The following CDC14B variants were observed in gnomAD, a reference collection of about 807,000 sequenced individuals.
CDC14B encodes dual specificity protein phosphatase CDC14B.
A neutral mutation model predicts 64.2 loss-of-function variants in CDC14B; 22 were observed. The observed-to-expected ratio is 0.34, with a 90% CI of 0.24 to 0.49. The LOEUF (loss-of-function observed/expected upper bound fraction) is 0.49, where lower values mean the gene tolerates loss of function less well. Among genes scored for constraint, CDC14B ranks in the 20% least tolerant of loss-of-function variants. The pLI, the probability that CDC14B is intolerant of heterozygous loss-of-function variation, is 0.99. For synonymous variants in CDC14B, 191 were observed against 215.8 expected (o/e 0.89, Z 1.01); for missense variants, 498 against 629.9 (o/e 0.79, Z 2.24).
intron 7 of CDC14B, among the ~76,000 whole-genome samples, chr9:96,535,247 T>C (rs1412253919): frequency 6.6e-6 from 1 of 151,894 alleles, no homozygotes; most frequent in Non-Finnish European, 1.5e-5. Context: ...GCGGAAGTTG[T>C]AGTGAGCCGA....
intron 9 of CDC14B, among the ~76,000 whole-genome samples, chr9:96,525,877 T>C (rs1361734177): frequency 6.6e-6 from 1 of 152,170 alleles, no homozygotes; most frequent in Non-Finnish European, 1.5e-5. Flanking sequence ...GGTGAATGTA[T>C]TTTTGAAGTG....
Position 96,523,583 on chromosome 9 carries a change from T to C in CDC14B, c.1085+4A>G, listed in dbSNP as rs774537807. On this transcript the variant is annotated splice_donor_region_variant and intron_variant, in intron 10 of 13. Coordinates refer to ENST00000375241, the MANE Select transcript of CDC14B (RefSeq NM_033331.4). ...GGGAACTACAGACGTAGGCTACTACTTACATCACCAAAAACTGCTGCTGAG... is the reference window on the plus strand; with the variant it reads ...GGGAACTACAGACGTAGGCTACTACCTACATCACCAAAAACTGCTGCTGAG... The C allele has an allele frequency of 6.2e-7, 1 of 1,614,144 alleles. No individual in the cohort carries two copies. The highest frequency in any genetic ancestry group is 1.1e-5 in the South Asian group (1 of 91,068).
At chr9:96,569,043 G>A (rs1467106731) in intron 1 of CDC14B, among the ~76,000 whole-genome samples, 1 of 152,202 alleles carries the variant, frequency 6.6e-6, no homozygotes, top group Non-Finnish European at 1.5e-5. Context: ...GAAATCGTAG[G>A]TAGCAAGTCT....
In CDC14B at chr9:96,503,246, T is replaced by C. The variant is rs1409295701; in HGVS notation, c.*507A>G. 1.3e-5 allele frequency: 3 copies of C among 231,068 alleles called. No individual in the cohort carries two copies. Among genetic ancestry groups the C allele is most frequent in the Non-Finnish European group, 2.5e-5 (3 of 120,622 alleles). The allele number at this position is 231,068 out of a possible 1,614,324, so 14.3% of individuals were successfully genotyped here. A position where few individuals can be genotyped will look rare whatever the true frequency, so the allele number is the denominator to read the frequency against. Reference sequence around the variant, plus strand: ...TAACAGAGTTAACATTACAACAGTATTACAAATAGTCAAGTGAAGATGATT... The same window carrying C: ...TAACAGAGTTAACATTACAACAGTACTACAAATAGTCAAGTGAAGATGATT... On this transcript the variant is annotated 3_prime_UTR_variant, in exon 14 of 14. Transcript: ENST00000375241.
chr9:96,590,165 T>C (rs975491800), intron 1 of CDC14B, among the ~76,000 whole-genome samples: 3 of 152,188 alleles, frequency 2.0e-5, no homozygotes, highest in Non-Finnish European at 2.9e-5. Flanking sequence ...CCAAAGGTCC[T>C]GGAAACCACC....
intron 9 of CDC14B, among the ~76,000 whole-genome samples, chr9:96,528,908 A>T (rs1307942585): frequency 2.6e-5 from 4 of 152,186 alleles, no homozygotes; most frequent in Non-Finnish European, 5.9e-5. Context: ...ATATCTTTGG[A>T]GAAAGGTGTA....
At chr9:96,503,817 C>T in intron 13 of CDC14B, 28 bp from the exon 14 acceptor site, 1 of 1,603,022 alleles carries the variant, frequency 6.2e-7, no homozygotes, top group Non-Finnish European at 8.5e-7. Context: ...AGGATTTTTA[C>T]CAGAAAGTTT....
intron 4 of CDC14B, among the ~76,000 whole-genome samples, chr9:96,552,899 G>A (rs1343538473): frequency 6.6e-6 from 1 of 152,032 alleles, no homozygotes; most frequent in Non-Finnish European, 1.5e-5. Context: ...TTACTTTGGG[G>A]AAATAGATTT....
intron 1 of CDC14B, among the ~76,000 whole-genome samples, chr9:96,608,765 T>C (rs981325047): frequency 6.6e-6 from 1 of 152,130 alleles, no homozygotes; most frequent in African/African-American, 2.4e-5. Flanking sequence ...AATTGAAATG[T>C]AGACCTTTTC....
At chr9:96,549,794 G>GCT (rs1271961844) in intron 5 of CDC14B, among the ~76,000 whole-genome samples, 36 of 152,306 alleles carry the variant, frequency 2.4e-4, no homozygotes, top group African/African-American at 8.7e-4. Context: ...ACTGACTGAT[G>GCT]CTCCTGGGAC....
chr9:96,534,072 C>T lies in CDC14B; in HGVS notation c.801G>A (p.Met267Ile), dbSNP rs199641449. 5.6e-6 allele frequency: 9 copies of T among 1,612,844 alleles called. No individual in the cohort carries two copies. Among genetic ancestry groups the T allele is most frequent in the Non-Finnish European group, 6.8e-6 (8 of 1,178,946 alleles). Residue 267 changes from methionine to isoleucine, a missense_variant, in exon 9 of 14, where the codon ATG becomes ATA. Transcript: ENST00000375241. Reference sequence around the variant, plus strand: ...CATCCGTAAAGCGTTTGGCATCATACATCCTTTTATTCAGACGAATAATGG... The same window carrying T: ...CATCCGTAAAGCGTTTGGCATCATATATCCTTTTATTCAGACGAATAATGG... ...VTTIIRLNKRMYDAKRFTDAG... is the reference protein window; with the variant it reads ...VTTIIRLNKRIYDAKRFTDAG...
At chr9:96,615,651 G>A (rs1233873998) in intron 1 of CDC14B, among the ~76,000 whole-genome samples, 5 of 152,204 alleles carry the variant, frequency 3.3e-5, no homozygotes, top group African/African-American at 4.8e-5. Context: ...TTGTGGGAAC[G>A]CTGGCGGCGT....
intron 5 of CDC14B, among the ~76,000 whole-genome samples, chr9:96,549,230 GA>G (rs918318178): frequency 2.0e-5 from 3 of 151,248 alleles, no homozygotes; most frequent in African/African-American, 4.9e-5. Context: ...AATGAAAGGG[GA>G]AAAAAAACAA....
At chr9:96,545,992 A>T (rs1428937453) in intron 5 of CDC14B, among the ~76,000 whole-genome samples, 1 of 152,202 alleles carries the variant, frequency 6.6e-6, no homozygotes, top group Non-Finnish European at 1.5e-5. Flanking sequence ...GTGGGGAGGG[A>T]TCCTTGTCAC....
At chr9:96,569,703 C>A (rs1290765240) in intron 1 of CDC14B, among the ~76,000 whole-genome samples, 1 of 151,984 alleles carries the variant, frequency 6.6e-6, no homozygotes, top group African/African-American at 2.4e-5. Flanking sequence ...TGGCTCACTG[C>A]AACCTCCACC....
chr9:96,517,138 G>C (rs1344569995), intron 12 of CDC14B, among the ~76,000 whole-genome samples: 1 of 148,330 alleles, frequency 6.7e-6, no homozygotes, highest in Non-Finnish European at 1.5e-5. Flanking sequence ...TCAGGAGTTC[G>C]AGACCAGCCT....
chr9:96,500,752 T>C lies in CDC14B; in HGVS notation c.*3001A>G, dbSNP rs866531309. ...AAAATGCAATAATGATTTTTTTTAA[T>C]GTAGAAAGAGAAGCTGTGTTAAGAA... On this transcript the variant is annotated 3_prime_UTR_variant, in exon 14 of 14. Transcript: ENST00000375241. The C allele has an allele frequency of 6.6e-6, 1 of 152,220 alleles. No individual in the cohort carries two copies. Among genetic ancestry groups the C allele is most frequent in the Non-Finnish European group, 1.5e-5 (1 of 68,040 alleles). The allele number at this position is 152,220 out of a possible 1,614,324, so 9.4% of individuals were successfully genotyped here. A position where few individuals can be genotyped will look rare whatever the true frequency, so the allele number is the denominator to read the frequency against.
intron 4 of CDC14B, among the ~76,000 whole-genome samples, chr9:96,560,144 C>T (rs1412253326): frequency 3.3e-5 from 5 of 152,192 alleles, no homozygotes; most frequent in Admixed American, 2.6e-4. Context: ...GTTCTTCACG[C>T]TGTAGTCCTC....
intron 11 of CDC14B, among the ~76,000 whole-genome samples, chr9:96,523,049 C>A (rs1836986707): frequency 6.6e-6 from 1 of 152,126 alleles, no homozygotes; most frequent in African/African-American, 2.4e-5. Context: ...CTTTTATGCA[C>A]CTGCTGAGTA....
Sources: gnomAD v4.1 joint callset for allele counts (sites outside exome capture counted in the v4.1 genomes callset) on GRCh38, gnomAD v4.1.1 for gene constraint, MANE v1.5 for transcripts, NCBI Gene and HGNC (gene_info 2026-07-23, HGNC 2026-07-21) for gene names.